The following LARGE1 variants were observed in gnomAD, a reference collection of about 807,000 sequenced individuals.
LARGE1 encodes the protein LARGE xylosyl- and glucuronyltransferase 1, also known as xylosyl- and glucuronyltransferase LARGE1.
Under a neutral mutation model 87.6 loss-of-function variants are expected in LARGE1, and 43 were observed. The observed-to-expected ratio is 0.49, with a 90% CI of 0.38 to 0.63. LARGE1 has a LOEUF of 0.63. Among genes scored for constraint, LARGE1 ranks in the 30% least tolerant of loss-of-function variants. LARGE1 has a pLI of 0.00. For missense variants in LARGE1, 802 were observed against 1,000.2 expected, an observed-to-expected ratio of 0.80 and a Z score of 2.67; for synonymous variants, 434 against 394.6, an observed-to-expected ratio of 1.10 and a Z score of -1.18.
chr22:33,414,433 G>A (rs1278463125), intron 7 of LARGE1, among the ~76,000 whole-genome samples: 2 of 152,100 alleles, frequency 1.3e-5, no homozygotes, highest in Non-Finnish European at 2.9e-5. Context: ...GTGTGCCATA[G>A]GCCTTGGGGA....
At chr22:33,570,986 G>A (rs2078184321) in intron 5 of LARGE1, among the ~76,000 whole-genome samples, 1 of 152,132 alleles carries the variant, frequency 6.6e-6, no homozygotes, top group Non-Finnish European at 1.5e-5. Context: ...TCAACACCTG[G>A]CAGAGTAATA....
At chr22:33,372,874 AAGAC>A (rs1182609035) in intron 9 of LARGE1, among the ~76,000 whole-genome samples, 2 of 152,246 alleles carry the variant, frequency 1.3e-5, no homozygotes, top group Admixed American at 6.5e-5. Context: ...AAATAGAAAC[AAGAC>A]AGACAGGAAT....
chr22:33,151,503 C>T, the LARGE1 span, among the ~76,000 whole-genome samples: 1 of 152,172 alleles, frequency 6.6e-6, no homozygotes, highest in Non-Finnish European at 1.5e-5. Flanking sequence ...GAAAGACATC[C>T]TTACCTTTTT....
At chr22:33,253,516 A>T (rs1296256069) in intron 11 of LARGE1, among the ~76,000 whole-genome samples, 3 of 152,226 alleles carry the variant, frequency 2.0e-5, no homozygotes, top group African/African-American at 7.2e-5. Flanking sequence ...GTTTGAGACC[A>T]GCCTGGCCAA....
intron 6 of LARGE1, among the ~76,000 whole-genome samples, chr22:33,476,058 C>G (rs572627039): frequency 2.6e-5 from 4 of 152,212 alleles, no homozygotes; most frequent in Non-Finnish European, 5.9e-5. Flanking sequence ...ACAAAAGCTA[C>G]GTATCTTCCT....
intron 12 of LARGE1, among the ~76,000 whole-genome samples, chr22:33,284,247 T>C (rs756302173): frequency 3.3e-5 from 5 of 152,140 alleles, no homozygotes; most frequent in Non-Finnish European, 5.9e-5. Context: ...CCAGAGCAGG[T>C]GGACAGAGAG....
intron 11 of LARGE1, among the ~76,000 whole-genome samples, chr22:33,174,254 T>A (rs1228094174): frequency 6.6e-6 from 1 of 151,872 alleles, no homozygotes; most frequent in Non-Finnish European, 1.5e-5. Context: ...GGGTAAATAA[T>A]GAAATAAAGG....
At chr22:33,824,805 A>G (rs1179943341) in intron 1 of LARGE1, among the ~76,000 whole-genome samples, 1 of 152,264 alleles carries the variant, frequency 6.6e-6, no homozygotes, top group African/African-American at 2.4e-5. Context: ...AAAAGTGTCA[A>G]GAGAAGTACT....
intron 10 of LARGE1, among the ~76,000 whole-genome samples, chr22:33,319,144 GC>G (rs1936468286): frequency 6.6e-6 from 1 of 152,160 alleles, no homozygotes; most frequent in Non-Finnish European, 1.5e-5. Context: ...GCTTACTAAA[GC>G]GGCACAGTTT....
chr22:33,555,536 T>C (rs2077649959), intron 6 of LARGE1, among the ~76,000 whole-genome samples: 4 of 152,124 alleles, frequency 2.6e-5, no homozygotes. Flanking sequence ...GCTGGGATTA[T>C]GGTAGCAAGA....
At chr22:33,410,056 C>T (rs192304617) in intron 7 of LARGE1, among the ~76,000 whole-genome samples, 2 of 152,034 alleles carry the variant, frequency 1.3e-5, no homozygotes, top group East Asian at 3.9e-4. Flanking sequence ...ACATGCCTGT[C>T]CAGTATATAG....
chr22:33,717,788 T>C lies in LARGE1; in HGVS notation c.106+43583A>G, dbSNP rs560463066. On this transcript the variant is annotated intron_variant, in intron 2 of 14. Transcript: ENST00000397394. ...TAATAAAATCATACAGAAAACCACT[T>C]AACTAACCATCCTGAAATCTCATTT... Among the ~76,000 whole-genome samples the C allele has an allele frequency of 2.6e-5, 4 of 152,294 alleles. No individual in the cohort carries two copies. The South Asian group carries it at 8.3e-4, about 32-fold the overall frequency.
intron 9 of LARGE1, among the ~76,000 whole-genome samples, chr22:33,357,385 A>G (rs1256954322): frequency 6.6e-6 from 1 of 152,180 alleles, no homozygotes; most frequent in African/African-American, 2.4e-5. Context: ...ATGGATGAGT[A>G]ATTACGTAAT....
rs141089047 is a variant in LARGE1 at position 33,830,225 on chromosome 22, A to T, written c.-82-68667T>A. 4.5e-3 allele frequency among the ~76,000 whole-genome samples: 686 copies of T among 152,276 alleles called. 3 individuals are homozygous for T. The highest frequency in any genetic ancestry group is 7.5e-3 in the Non-Finnish European group (509 of 68,018). The stretch of plus-strand genomic sequence containing the variant: ...GACACTCCATCTGTAAAATTTACAG[A>T]GAGACACTGTCCAGCTAAATCAAAT... On this transcript the variant is annotated intron_variant, in intron 1 of 14. Coordinates refer to ENST00000397394, the MANE Select transcript of LARGE1 (RefSeq NM_133642.5).
intron 6 of LARGE1, among the ~76,000 whole-genome samples, chr22:33,562,314 A>G (rs1424468457): frequency 6.6e-6 from 1 of 152,140 alleles, no homozygotes; most frequent in Non-Finnish European, 1.5e-5. Context: ...AAAACTTCTG[A>G]TGTTTTGTAC....
intron 6 of LARGE1, among the ~76,000 whole-genome samples, chr22:33,530,125 A>G (rs2072123433): frequency 6.6e-6 from 1 of 152,236 alleles, no homozygotes; most frequent in African/African-American, 2.4e-5. Flanking sequence ...ATAAAAAGGC[A>G]GACTTCTGGG....
chr22:33,113,878 T>A, the LARGE1 span, among the ~76,000 whole-genome samples: 1 of 151,850 alleles, frequency 6.6e-6, no homozygotes, highest in East Asian at 1.9e-4. Context: ...ATTTTCTTTT[T>A]TTTTTTTTTT....
intron 6 of LARGE1, among the ~76,000 whole-genome samples, chr22:33,559,188 A>C (rs2899210): frequency 0.66 from 99,951 of 152,044 alleles, 33,627 homozygotes; most frequent in African/African-American, 0.77. Flanking sequence ...TTGATGGTAC[A>C]CCTTTTTTTT....
chr22:33,776,502 G>A (rs404038), intron 1 of LARGE1, among the ~76,000 whole-genome samples: 107,700 of 152,052 alleles, frequency 0.71, 38,669 homozygotes, highest in East Asian at 0.79. Context: ...AAGAAGGCTG[G>A]TTTTTATGTT....
Sources: gnomAD v4.1 joint callset for allele counts (sites outside exome capture counted in the v4.1 genomes callset) on GRCh38, gnomAD v4.1.1 for gene constraint, MANE v1.5 for transcripts, NCBI Gene and HGNC (gene_info 2026-07-23, HGNC 2026-07-21) for gene names.